TOX: variants seen among roughly 807,000 people sequenced by gnomAD.
The protein encoded by TOX is thymocyte selection associated high mobility group box, also known as thymocyte selection-associated high mobility group box protein TOX.
TOX carries 11 observed loss-of-function variants against 53.7 expected under a neutral mutation model. The ratio of observed to expected loss-of-function variants is 0.20; its 90% confidence interval spans 0.13 to 0.34. The LOEUF (loss-of-function observed/expected upper bound fraction) is 0.34. TOX is among the 10% of genes least tolerant of loss of function. The probability of loss-of-function intolerance (pLI) is 1.00; values close to 1 mark genes in which losing one functional copy is unlikely to be tolerated. For missense variants in TOX, 570 were observed against 664.6 expected, an observed-to-expected ratio of 0.86 and a Z score of 1.56; for synonymous variants, 225 against 245.3, an observed-to-expected ratio of 0.92 and a Z score of 0.77.
chr8:58,900,953 T>C (rs947404305), intron 3 of TOX, among the ~76,000 whole-genome samples: 3 of 152,090 alleles, frequency 2.0e-5, no homozygotes, highest in Non-Finnish European at 2.9e-5. Flanking sequence ...ACAGAATGCT[T>C]CTACAGTTCA....
At chr8:58,991,239 A>C (rs1476998324) in intron 1 of TOX, among the ~76,000 whole-genome samples, 1 of 152,212 alleles carries the variant, frequency 6.6e-6, no homozygotes, top group Non-Finnish European at 1.5e-5. Flanking sequence ...TGTGCAATTC[A>C]AATTATCCTA....
chr8:59,081,355 G>T (rs1402269453), intron 1 of TOX, among the ~76,000 whole-genome samples: 1 of 152,094 alleles, frequency 6.6e-6, no homozygotes, highest in East Asian at 1.9e-4. Flanking sequence ...AGAGGAATTT[G>T]ATTCTGTGTA....
At chr8:58,868,715 A>G (rs1811145034) in intron 3 of TOX, among the ~76,000 whole-genome samples, 2 of 152,136 alleles carry the variant, frequency 1.3e-5, no homozygotes. Context: ...ACCATTAAAT[A>G]TATAAGAAAA....
intron 3 of TOX, among the ~76,000 whole-genome samples, chr8:58,867,960 AT>A (rs1353184387): frequency 6.6e-6 from 1 of 152,098 alleles, no homozygotes; most frequent in East Asian, 1.9e-4. Flanking sequence ...CTTGTTTTGT[AT>A]TTGATATGGT....
At chr8:58,841,758 T>A (rs933787558) in intron 4 of TOX, among the ~76,000 whole-genome samples, 1 of 152,212 alleles carries the variant, frequency 6.6e-6, no homozygotes, top group African/African-American at 2.4e-5. Context: ...AACATCACAT[T>A]GTACACTTTA....
At chr8:58,860,603 AGTTCTG>A (rs1324679433) in intron 3 of TOX, among the ~76,000 whole-genome samples, 1 of 152,166 alleles carries the variant, frequency 6.6e-6, no homozygotes, top group Admixed American at 6.5e-5. Flanking sequence ...TTCCCTGACC[AGTTCTG>A]GTCCCTGGTG....
intron 1 of TOX, among the ~76,000 whole-genome samples, chr8:58,998,576 TATA>T (rs1361338349): frequency 1.5e-5 from 2 of 134,850 alleles, no homozygotes; most frequent in African/African-American, 5.9e-5. Flanking sequence ...TAAATGTATA[TATA>T]ATAAATTTAT....
chr8:58,881,814 A>G (rs2129170967), intron 3 of TOX, among the ~76,000 whole-genome samples: 1 of 151,798 alleles, frequency 6.6e-6, no homozygotes. Context: ...CAGTATCAGG[A>G]GTATACTAAG....
chr8:58,837,294 C>T (rs1395633273), intron 5 of TOX, among the ~76,000 whole-genome samples: 4 of 152,132 alleles, frequency 2.6e-5, no homozygotes, highest in Non-Finnish European at 5.9e-5. Flanking sequence ...AATGAAAATG[C>T]TTTTAAATTT....
At chr8:58,930,196 G>T (rs747948143) in intron 3 of TOX, among the ~76,000 whole-genome samples, 1 of 152,212 alleles carries the variant, frequency 6.6e-6, no homozygotes, top group African/African-American at 2.4e-5. Flanking sequence ...CAACTGCTTA[G>T]AAGTGTCAGC....
intron 1 of TOX, among the ~76,000 whole-genome samples, chr8:58,976,866 C>T (rs894243258): frequency 6.6e-6 from 1 of 152,210 alleles, no homozygotes; most frequent in African/African-American, 2.4e-5. Flanking sequence ...TAGGTCTCAA[C>T]AGTGGGCTTA....
At chr8:58,855,177 T>G (rs1046267941) in intron 3 of TOX, among the ~76,000 whole-genome samples, 2 of 152,200 alleles carry the variant, frequency 1.3e-5, no homozygotes, top group Non-Finnish European at 2.9e-5. Flanking sequence ...GTCCCACCTC[T>G]AAGTGATTCC....
intron 1 of TOX, among the ~76,000 whole-genome samples, chr8:59,095,566 C>T (rs997499121): frequency 6.6e-6 from 1 of 152,018 alleles, no homozygotes; most frequent in Admixed American, 6.6e-5. Flanking sequence ...ACCACCATGC[C>T]CGGCTAATTT....
At chr8:58,994,890 C>T (rs950502731) in intron 1 of TOX, among the ~76,000 whole-genome samples, 1 of 152,184 alleles carries the variant, frequency 6.6e-6, no homozygotes, top group Non-Finnish European at 1.5e-5. Context: ...TTTCTGTTCA[C>T]TTCAGTCAAC....
chr8:59,039,811 T>C (rs916024637), intron 1 of TOX, among the ~76,000 whole-genome samples: 1 of 152,202 alleles, frequency 6.6e-6, no homozygotes, highest in Admixed American at 6.5e-5. Context: ...GTATTTACTT[T>C]CTGGTTTTGG....
In TOX at chr8:59,069,922, C is replaced by T. The variant is rs138657969; in HGVS notation, c.102+48964G>A. On this transcript the variant is annotated intron_variant, in intron 1 of 8. Transcript: ENST00000361421. The stretch of plus-strand genomic sequence containing the variant: ...AGAAGTGTGAAGGGCACTGAGGAGT[C>T]GGAACAGGTGAAGACAATGTGTAAC... Among the ~76,000 whole-genome samples, 16 of 152,180 alleles carry T rather than the reference C, an allele frequency of 1.1e-4. No individual in the cohort carries two copies. In the East Asian group the frequency reaches 2.9e-3, roughly 28 times the overall value.
intron 1 of TOX, among the ~76,000 whole-genome samples, chr8:59,047,203 G>GTTTTTTTTTTTT (rs10551461): frequency 4.5e-5 from 2 of 44,674 alleles, no homozygotes; most frequent in Non-Finnish European, 4.0e-5. Flanking sequence ...ACCAAGAATT[G>GTTTTTTTTTTTT]TTTTTTTTTT....
intron 1 of TOX, among the ~76,000 whole-genome samples, chr8:58,962,670 G>A (rs1402632402): frequency 6.6e-6 from 1 of 152,198 alleles, no homozygotes; most frequent in Non-Finnish European, 1.5e-5. Flanking sequence ...GCCCAATGTG[G>A]TGGCACATGT....
In TOX at chr8:58,851,850, G is replaced by A. The variant is rs570255743; in HGVS notation, c.412-45C>T. The A allele has an allele frequency of 3.1e-4, 367 of 1,176,120 alleles. No individual in the cohort carries two copies. The highest frequency in any genetic ancestry group is 3.6e-4 in the Non-Finnish European group (333 of 925,092). 72.9% of individuals were successfully genotyped at this position (1,176,120 alleles called of 1,614,324 possible). On this transcript the variant is annotated intron_variant, in intron 3 of 8. Coordinates refer to ENST00000361421, the MANE Select transcript of TOX (RefSeq NM_014729.3). The surrounding 1 kb of genome is among the most constrained non-coding windows in gnomAD (Gnocchi z 4.4). ...AAATAAATAAATAAATAAATAAATA[G>A]GAAAGGAGTAATTTTAACAAATATG...
Sources: gnomAD v4.1 joint callset for allele counts (sites outside exome capture counted in the v4.1 genomes callset) on GRCh38, gnomAD v4.1.1 for gene constraint, Gnocchi (gnomAD v3.1) non-coding constraint, MANE v1.5 for transcripts, NCBI Gene and HGNC (gene_info 2026-07-23, HGNC 2026-07-21) for gene names.